GRAMD1B: variants seen among roughly 807,000 people sequenced by gnomAD.
The protein encoded by GRAMD1B is protein Aster-B.
Under a neutral mutation model 99.7 loss-of-function variants are expected in GRAMD1B, and 37 were observed. That is an observed-to-expected ratio of 0.37 (90% CI 0.29 to 0.49). The LOEUF is 0.49. Ranked by LOEUF, GRAMD1B falls within the 20% of genes least tolerant of loss-of-function variation. The pLI is 0.98. For synonymous variants in GRAMD1B, 427 were observed against 387.6 expected (o/e 1.10, Z -1.19); for missense variants, 888 against 1,009.2 (o/e 0.88, Z 1.63).
intron 2 of GRAMD1B, among the ~76,000 whole-genome samples, chr11:123,571,090 G>A (rs1948025410): frequency 6.6e-6 from 1 of 152,236 alleles, no homozygotes; most frequent in Admixed American, 6.5e-5. Flanking sequence ...GGGGGCCAGA[G>A]AGACAGGTAC....
chr11:123,395,639 A>G (rs2135882628), intron 1 of GRAMD1B, among the ~76,000 whole-genome samples: 1 of 152,332 alleles, frequency 6.6e-6, no homozygotes. Flanking sequence ...TTCCATTACA[A>G]CCAGTTAAAT....
intron 1 of GRAMD1B, among the ~76,000 whole-genome samples, chr11:123,398,514 A>G (rs909915057): frequency 3.3e-4 from 50 of 152,362 alleles, no homozygotes; most frequent in African/African-American, 1.2e-3. Flanking sequence ...TTCAAACCAT[A>G]GCATACTTGT....
intron 2 of GRAMD1B, among the ~76,000 whole-genome samples, chr11:123,545,467 C>CCCAT (rs1944961645): frequency 6.6e-6 from 1 of 152,138 alleles, no homozygotes; most frequent in Admixed American, 6.5e-5. Context: ...CTGCCTGGGG[C>CCCAT]CCATGAATTT....
At chr11:123,602,923 C>T (rs959778508) in intron 8 of GRAMD1B, among the ~76,000 whole-genome samples, 11 of 152,180 alleles carry the variant, frequency 7.2e-5, no homozygotes, top group Admixed American at 3.3e-4. Context: ...CCTTTGAGGT[C>T]GAACCTCATT....
intron 2 of GRAMD1B, among the ~76,000 whole-genome samples, chr11:123,508,399 G>T (rs916527564): frequency 1.3e-5 from 2 of 152,144 alleles, no homozygotes; most frequent in African/African-American, 4.8e-5. Context: ...ACCTGTTAAA[G>T]GTTCCACCTC....
intron 1 of GRAMD1B, among the ~76,000 whole-genome samples, chr11:123,469,763 T>TTC (rs1950902581): frequency 9.1e-6 from 1 of 109,450 alleles, no homozygotes; most frequent in Non-Finnish European, 1.8e-5. Flanking sequence ...CTTTCCTTCT[T>TTC]TCTTTCTCTT....
Position 123,614,787 on chromosome 11 carries a change from G to T in GRAMD1B, c.2270G>T (p.Gly757Val). The change falls in exon 17 of 20, where the codon GGT becomes GTT. Residue 757 changes from glycine (G) to valine (V), a missense_variant. Gly to Val is a moderately radical substitution (Grantham distance 109). Coordinates refer to ENST00000635736, the MANE Select transcript of GRAMD1B (RefSeq NM_001387025.1). ...CATATCCCGGAGGACACCCCCAACG[G>T]TTTCCACCTGCAGAGCGTGTCCAAG... ...TRHIPEDTPN[G>V]FHLQSVSKLL... 1 of 1,613,006 alleles carries T rather than the reference G, an allele frequency of 6.2e-7. No homozygotes were observed. Among genetic ancestry groups the T allele is most frequent in the Non-Finnish European group, 8.5e-7 (1 of 1,179,068 alleles).
intron 2 of GRAMD1B, among the ~76,000 whole-genome samples, chr11:123,539,235 C>CA (rs1328972195): frequency 4.6e-5 from 7 of 151,916 alleles, no homozygotes; most frequent in African/African-American, 1.4e-4. Flanking sequence ...CTCTTAAAAA[C>CA]AAAAAACTCC....
chr11:123,556,347 T>TCTTA (rs1306905415), intron 2 of GRAMD1B, among the ~76,000 whole-genome samples: 1 of 152,224 alleles, frequency 6.6e-6, no homozygotes, highest in Admixed American at 6.5e-5. Context: ...AGACGTAAGA[T>TCTTA]CTTAGCCTTT....
chr11:123,570,566 G>C (rs1218404899), intron 2 of GRAMD1B, among the ~76,000 whole-genome samples: 2 of 151,744 alleles, frequency 1.3e-5, no homozygotes, highest in African/African-American at 4.8e-5. Flanking sequence ...TGGGATTACA[G>C]GTGTGCACCA....
chr11:123,461,636 T>G (rs1035714258), intron 1 of GRAMD1B, among the ~76,000 whole-genome samples: 3 of 152,200 alleles, frequency 2.0e-5, no homozygotes, highest in African/African-American at 7.2e-5. Context: ...CAGAGTTTCG[T>G]TCTTGTTGCC....
chr11:123,598,081 G>A (rs1951505886), intron 7 of GRAMD1B: 1 of 1,560,350 alleles, frequency 6.4e-7, no homozygotes, highest in South Asian at 1.1e-5. Flanking sequence ...CCCACAAGGA[G>A]ACAGCATCTT....
intron 1 of GRAMD1B, among the ~76,000 whole-genome samples, chr11:123,440,009 G>C (rs756269405): frequency 6.6e-6 from 1 of 152,176 alleles, no homozygotes; most frequent in Non-Finnish European, 1.5e-5. Context: ...TTCTGGGGGA[G>C]GGGGAGCGCC....
intron 2 of GRAMD1B, among the ~76,000 whole-genome samples, chr11:123,519,553 C>G (rs1941997206): frequency 1.3e-5 from 2 of 152,234 alleles, no homozygotes; most frequent in Non-Finnish European, 2.9e-5. Flanking sequence ...GATGACTCCC[C>G]TGCCTGAGCT....
chr11:123,373,087 C>T (rs993023900), intron 1 of GRAMD1B, among the ~76,000 whole-genome samples: 6 of 151,904 alleles, frequency 3.9e-5, no homozygotes, highest in Non-Finnish European at 7.4e-5. Context: ...TGTGGTGAGC[C>T]GAGATCGTGC....
Position 123,559,651 on chromosome 11 carries a change from T to G in GRAMD1B, c.453-17716T>G, listed in dbSNP as rs112234945. Reference sequence around the variant, plus strand: ...AAAAAACACTTCTAAGAGGTGCAGCTTAGAATTAGAAGACCCAGACGACTC... The same window carrying G: ...AAAAAACACTTCTAAGAGGTGCAGCGTAGAATTAGAAGACCCAGACGACTC... On this transcript the variant is annotated intron_variant, in intron 2 of 19. Transcript: ENST00000635736. 1,189 of 984,344 alleles carry G rather than the reference T, an allele frequency of 1.2e-3. 11 individuals carry two copies. In the African/African-American group the frequency reaches 0.014, roughly 12 times the overall value. 61.0% of individuals were successfully genotyped at this position (984,344 alleles called of 1,614,324 possible).
chr11:123,390,226 A>T (rs1167872292), intron 1 of GRAMD1B, among the ~76,000 whole-genome samples: 1 of 151,964 alleles, frequency 6.6e-6, no homozygotes, highest in Non-Finnish European at 1.5e-5. Context: ...TGATTTCTTT[A>T]TACAAAAACA....
intron 1 of GRAMD1B, among the ~76,000 whole-genome samples, chr11:123,441,926 C>A (rs1317718472): frequency 6.6e-6 from 1 of 152,148 alleles, no homozygotes; most frequent in East Asian, 1.9e-4. Flanking sequence ...ATTTGAGAGA[C>A]TTTTTTCTTC....
intron 2 of GRAMD1B, among the ~76,000 whole-genome samples, chr11:123,505,937 TCCTTATTTCAAGTC>T (rs1241038661): frequency 6.6e-6 from 1 of 152,220 alleles, no homozygotes; most frequent in East Asian, 1.9e-4. Context: ...CTCAAGGTCT[TCCTTATTTCAAGTC>T]CCTTGTAGTT....
Sources: gnomAD v4.1 joint callset for allele counts (sites outside exome capture counted in the v4.1 genomes callset) on GRCh38, gnomAD v4.1.1 for gene constraint, MANE v1.5 for transcripts, NCBI Gene and HGNC (gene_info 2026-07-23, HGNC 2026-07-21) for gene names.